The following LRRIQ3 variants were observed in gnomAD, a reference collection of about 807,000 sequenced individuals.
LRRIQ3 encodes the protein leucine-rich repeat and IQ domain-containing protein 3.
In LRRIQ3, 75 loss-of-function variants were observed where a neutral mutation model predicts 59.3. The observed-to-expected ratio is 1.26, with a 90% confidence interval of 1.05 to 1.53. The LOEUF is 1.53. Among genes scored for constraint, LRRIQ3 ranks in the 40% most tolerant of loss-of-function variants. The probability of loss-of-function intolerance (pLI) is 0.00; values close to 1 mark genes in which losing one functional copy is unlikely to be tolerated. For synonymous variants in LRRIQ3, 250 were observed against 231.3 expected (o/e 1.08, Z -0.73); for missense variants, 831 against 710.0 (o/e 1.17, Z -1.94).
intron 1 of LRRIQ3, among the ~76,000 whole-genome samples, chr1:74,187,548 G>A (rs1320602952): frequency 6.6e-6 from 1 of 151,982 alleles, no homozygotes; most frequent in Non-Finnish European, 1.5e-5. Context: ...GGATGCAAAG[G>A]CCTAAGAATG....
At chr1:74,171,557 G>C (rs1210427726) in intron 3 of LRRIQ3, among the ~76,000 whole-genome samples, 2 of 152,042 alleles carry the variant, frequency 1.3e-5, no homozygotes, top group East Asian at 1.9e-4. Flanking sequence ...TTAATACCTT[G>C]GTGAAAATTG....
chr1:74,186,140 T>C (rs1457324983), intron 1 of LRRIQ3, among the ~76,000 whole-genome samples: 2 of 151,236 alleles, frequency 1.3e-5, no homozygotes, highest in African/African-American at 4.8e-5. Flanking sequence ...GATTATTCCA[T>C]CTCTTAACAG....
At chr1:74,136,228 A>G (rs1420227024) in intron 4 of LRRIQ3, among the ~76,000 whole-genome samples, 2 of 152,014 alleles carry the variant, frequency 1.3e-5, no homozygotes, top group African/African-American at 2.4e-5. Flanking sequence ...AAAGAAATTG[A>G]ATTCACAATT....
At chr1:74,181,770 TA>T (rs1649991446) in intron 3 of LRRIQ3, 1 of 151,974 alleles carries the variant, frequency 6.6e-6, no homozygotes, top group Non-Finnish European at 1.5e-5. Flanking sequence ...TCCAACTTTG[TA>T]ATTTTCAGTT....
intron 3 of LRRIQ3, among the ~76,000 whole-genome samples, chr1:74,170,118 T>A (rs1462446595): frequency 2.0e-5 from 3 of 152,164 alleles, no homozygotes; most frequent in Admixed American, 2.0e-4. Flanking sequence ...TTTCTCCTAG[T>A]CTATAAGTTG....
chr1:74,143,543 C>T (rs1050264448), intron 4 of LRRIQ3, among the ~76,000 whole-genome samples: 32 of 151,808 alleles, frequency 2.1e-4, no homozygotes, highest in African/African-American at 7.2e-4. Flanking sequence ...TGTTGGCATA[C>T]ATTTATTATT....
chr1:74,150,449 A>T (rs1647857711), intron 4 of LRRIQ3, among the ~76,000 whole-genome samples: 1 of 152,066 alleles, frequency 6.6e-6, no homozygotes, highest in South Asian at 2.1e-4. Context: ...ATATATAGTG[A>T]TGATTATGGG....
At chr1:74,141,979 T>TTA (rs140873138) in intron 4 of LRRIQ3, among the ~76,000 whole-genome samples, 2,783 of 111,856 alleles carry the variant, frequency 0.025, 40 homozygotes, top group Non-Finnish European at 0.033. Flanking sequence ...AATATTCCAT[T>TTA]TATACACACA....
At chr1:74,183,776 TAA>T in intron 1 of LRRIQ3, 92 bp from the exon 2 acceptor site, 1 of 1,065,842 alleles carries the variant, frequency 9.4e-7, no homozygotes, top group Non-Finnish European at 1.3e-6. Context: ...ATAGCGCAAG[TAA>T]AAAGTGTTAT....
chr1:74,171,689 G>C (rs1026277579), intron 3 of LRRIQ3, among the ~76,000 whole-genome samples: 4 of 152,020 alleles, frequency 2.6e-5, no homozygotes, highest in Non-Finnish European at 5.9e-5. Flanking sequence ...TCTTCTTTTT[G>C]GGGGGCAGAA....
intron 7 of LRRIQ3, among the ~76,000 whole-genome samples, chr1:74,032,023 T>C (rs1028218783): frequency 1.3e-5 from 2 of 151,890 alleles, no homozygotes; most frequent in Non-Finnish European, 2.9e-5. Context: ...TCAGAGATTA[T>C]AAGATAATAT....
intron 7 of LRRIQ3, among the ~76,000 whole-genome samples, chr1:74,034,093 A>T (rs1040802306): frequency 1.1e-4 from 16 of 151,840 alleles, no homozygotes; most frequent in African/African-American, 3.9e-4. Context: ...ACTCTTTCTC[A>T]TTCCACATAG....
intron 7 of LRRIQ3, among the ~76,000 whole-genome samples, chr1:74,040,690 TC>T (rs1654017180): frequency 6.6e-6 from 1 of 152,172 alleles, no homozygotes; most frequent in South Asian, 2.1e-4. Flanking sequence ...CCTGAATGAC[TC>T]CTGAGTAACT....
intron 4 of LRRIQ3, among the ~76,000 whole-genome samples, chr1:74,150,101 A>G (rs1393592584): frequency 6.6e-6 from 1 of 152,238 alleles, no homozygotes; most frequent in Non-Finnish European, 1.5e-5. Context: ...CCTTTCTGCC[A>G]TTCAGTATTG....
chr1:74,177,141 G>A (rs74887441), intron 3 of LRRIQ3, among the ~76,000 whole-genome samples: 4,319 of 152,172 alleles, frequency 0.028, 102 homozygotes, highest in Admixed American at 0.059. Context: ...TGTCCCTTCT[G>A]TGTTGCTGAA....
At chr1:74,156,870 G>A (rs970131191) in intron 3 of LRRIQ3, among the ~76,000 whole-genome samples, 1 of 152,008 alleles carries the variant, frequency 6.6e-6, no homozygotes, top group Non-Finnish European at 1.5e-5. Flanking sequence ...TAAGGTCACT[G>A]TTTATGTTTT....
At chr1:74,093,062 G>A (rs1380706026) in intron 5 of LRRIQ3, among the ~76,000 whole-genome samples, 1 of 151,852 alleles carries the variant, frequency 6.6e-6, no homozygotes, top group Non-Finnish European at 1.5e-5. Flanking sequence ...ACTTGCTTAA[G>A]GATAGAAACT....
intron 6 of LRRIQ3, among the ~76,000 whole-genome samples, chr1:74,074,251 AT>A (rs1240028348): frequency 6.6e-6 from 1 of 152,134 alleles, no homozygotes; most frequent in African/African-American, 2.4e-5. Flanking sequence ...ATAAGATATG[AT>A]TTTTTAACAT....
chr1:74,104,011 C>G (rs550467316), intron 5 of LRRIQ3, among the ~76,000 whole-genome samples: 1 of 152,076 alleles, frequency 6.6e-6, no homozygotes, highest in Non-Finnish European at 1.5e-5. Context: ...TCTCTTTCCT[C>G]TCTTATATAG....
Sources: gnomAD v4.1 joint callset for allele counts (sites outside exome capture counted in the v4.1 genomes callset) on GRCh38, gnomAD v4.1.1 for gene constraint, MANE v1.5 for transcripts, NCBI Gene and HGNC (gene_info 2026-07-23, HGNC 2026-07-21) for gene names.